Variants in BPTF observed in about 807,000 individuals in gnomAD.
The protein encoded by BPTF is nucleosome-remodeling factor subunit BPTF.
BPTF carries 18 observed loss-of-function variants against 292.5 expected under a neutral mutation model. The ratio of observed to expected loss-of-function variants is 0.06; its 90% CI spans 0.04 to 0.09. The LOEUF (loss-of-function observed/expected upper bound fraction) is 0.09. BPTF is among the 10% of genes least tolerant of loss of function. BPTF has a pLI of 1.00. For synonymous variants in BPTF, 1,225 were observed against 1,251.9 expected (o/e 0.98, Z 0.45); for missense variants, 2,726 against 3,498.7 (o/e 0.78, Z 5.57).
intron 27 of BPTF, among the ~76,000 whole-genome samples, chr17:67,976,715 A>AGG (rs2069513941): frequency 7.8e-6 from 1 of 127,976 alleles, no homozygotes; most frequent in Non-Finnish European, 1.6e-5. Flanking sequence ...AAAAAAAAAA[A>AGG]TAAGAATAAA....
At position 67,904,772 on chromosome 17, in the gene BPTF, A is replaced by G. The variant is rs1243881960; in HGVS notation, c.2744A>G (p.His915Arg). ...YGGWSWISKT[H>R]VYRFVPKLPG... ...GGTTGGAGCTGGATTAGTAAAACTC[A>G]TGTTTATAGGTTTGTTCCTAAATTG... The change falls in exon 9 of 28, where the codon CAT (histidine) becomes CGT (arginine). Residue 915 changes from histidine to arginine, a missense_variant. His to Arg is a conservative substitution (Grantham distance 29, BLOSUM62 0). Transcript: ENST00000306378. 1.9e-6 allele frequency: 3 copies of G among 1,613,016 alleles called. No individual in the cohort carries two copies. Among genetic ancestry groups the G allele is most frequent in the African/African-American group, 1.3e-5 (1 of 74,906 alleles).
chr17:67,944,572 C>G, intron 20 of BPTF, 200 bp downstream of exon 20: 1 of 598,270 alleles, frequency 1.7e-6, no homozygotes, highest in Non-Finnish European at 2.9e-6. Context: ...CCACCACCCT[C>G]TCCCTCCTAT....
chr17:67,877,803 TAAAC>T (rs1219603613), intron 4 of BPTF, among the ~76,000 whole-genome samples: 1 of 152,064 alleles, frequency 6.6e-6, no homozygotes, highest in Non-Finnish European at 1.5e-5. Context: ...ATTTATTTAG[TAAAC>T]AAGTAAGTAG....
chr17:67,833,167 A>G (rs1189785187), intron 1 of BPTF, among the ~76,000 whole-genome samples: 16 of 151,846 alleles, frequency 1.1e-4, no homozygotes, highest in Admixed American at 3.9e-4. Context: ...ATTTAGCCTA[A>G]TGTTTTCAAG....
chr17:67,844,608 C>G (rs1261207622), intron 1 of BPTF, among the ~76,000 whole-genome samples: 1 of 150,942 alleles, frequency 6.6e-6, no homozygotes, highest in Non-Finnish European at 1.5e-5. Context: ...ACCATGTTGC[C>G]CAGGCTGGGC....
intron 1 of BPTF, among the ~76,000 whole-genome samples, chr17:67,844,100 G>GAC (rs1400351514): frequency 8.1e-5 from 7 of 86,604 alleles, no homozygotes; most frequent in Non-Finnish European, 1.1e-4. Flanking sequence ...TTTTTTTTAA[G>GAC]ATGGAGTCTC....
chr17:67,874,879 G>A lies in BPTF; in HGVS notation c.1723G>A (p.Glu575Lys). Reference protein sequence around the residue: ...GDIDNVKSPEETEKDKNETEN... With the variant: ...GDIDNVKSPEKTEKDKNETEN... ...CATTGATAATGTTAAAAGCCCAGAAGAAACAGAAAAAGACAAGAATGAGAC... is the reference window on the plus strand; with the variant it reads ...CATTGATAATGTTAAAAGCCCAGAAAAAACAGAAAAAGACAAGAATGAGAC... Residue 575 changes from glutamate (E) to lysine (K), a missense_variant, in exon 4 of 28, where the codon GAA (glutamate) becomes AAA (lysine). Around this residue, in one of 22 missense-constraint regions of BPTF, gnomAD observed 187 missense variants for 201.5 expected, o/e 0.93. Coordinates refer to ENST00000306378, the MANE Select transcript of BPTF (RefSeq NM_182641.4). 6.2e-7 allele frequency: 1 copy of A among 1,613,662 alleles called. No individual in the cohort carries two copies. Among genetic ancestry groups the A allele is most frequent in the Non-Finnish European group, 8.5e-7 (1 of 1,179,836 alleles).
intron 1 of BPTF, among the ~76,000 whole-genome samples, chr17:67,848,945 A>G (rs573631916): frequency 7.9e-5 from 12 of 152,318 alleles, no homozygotes; most frequent in Non-Finnish European, 1.6e-4. Flanking sequence ...TTTTCTTCAG[A>G]ATTCATGCAG....
rs368192443 is a variant in BPTF at position 67,926,848 on chromosome 17, C to T, written c.5752-1507C>T. On this transcript the variant is annotated intron_variant, in intron 15 of 27. Coordinates refer to ENST00000306378, the MANE Select transcript of BPTF (RefSeq NM_182641.4). ...GAATTCCTGGCTTAAGGTGATCCTC[C>T]GGCCTCAGCCTCCTGAGTAGCTGGA... 2.6e-5 allele frequency among the ~76,000 whole-genome samples: 4 copies of T among 151,980 alleles called. No individual in the cohort carries two copies. In the East Asian group the frequency reaches 5.8e-4, roughly 22 times the overall value.
rs955533308 is a variant in BPTF at position 67,825,951 on chromosome 17, A to AGCC, written c.244_246dup (p.Pro82dup). 3.8e-4 allele frequency: 386 copies of AGCC among 1,005,704 alleles called. No individual in the cohort carries two copies. Among genetic ancestry groups the AGCC allele is most frequent in the African/African-American group, 1.4e-3 (80 of 56,662 alleles). The allele number at this position is 1,005,704 out of a possible 1,614,324, so 62.3% of individuals were successfully genotyped here. A position where few individuals can be genotyped will look rare whatever the true frequency, so the allele number is the denominator to read the frequency against. On this transcript the variant is annotated inframe_insertion, in exon 1 of 28. Coordinates refer to ENST00000306378, the MANE Select transcript of BPTF (RefSeq NM_182641.4). ...AGGGGGGGCAGCAGTAGCCGGAGGA[A>AGCC]GCCGCCGCCGCCGCCGCCGGCCCCC...
chr17:67,899,093 A>G lies in BPTF; in HGVS notation c.2544-4696A>G, dbSNP rs999999871. On this transcript the variant is annotated intron_variant, in intron 7 of 27. Transcript: ENST00000306378. ...CTGAACTCCACCAAAACTGTGGCCA[A>G]ACTTTTGTAAAATTACAGACCCACA... Among the ~76,000 whole-genome samples, 8 of 152,284 alleles carry G rather than the reference A, an allele frequency of 5.3e-5. 1 individual carries two copies. The highest frequency in any genetic ancestry group is 1.9e-4 in the African/African-American group (8 of 41,548).
At chr17:67,828,794 C>G (rs1477246906) in intron 1 of BPTF, among the ~76,000 whole-genome samples, 1 of 152,216 alleles carries the variant, frequency 6.6e-6, no homozygotes, top group Non-Finnish European at 1.5e-5. Flanking sequence ...TCCCAAAGTG[C>G]TGGGATTACA....
intron 4 of BPTF, among the ~76,000 whole-genome samples, chr17:67,879,975 A>G (rs758155622): frequency 8.5e-5 from 13 of 152,202 alleles, no homozygotes; most frequent in Admixed American, 2.6e-4. Context: ...ACAAACATCT[A>G]AACTATCCAA....
At chr17:67,954,341 C>CT (rs1446696008) in intron 23 of BPTF, among the ~76,000 whole-genome samples, 5 of 151,974 alleles carry the variant, frequency 3.3e-5, no homozygotes, top group Admixed American at 3.3e-4. Context: ...CCCTGGTTGT[C>CT]TTTTTTTCAT....
rs187007206 is a variant in BPTF, at chr17:67,842,966, G to A, written c.614-10974G>A. ...TCAGAGATAAAGAGCAACAGAAATG[G>A]TATCTGGGAAAATGTAAAAACACAA... On this transcript the variant is annotated intron_variant, in intron 1 of 27. Transcript: ENST00000306378. 3.8e-3 allele frequency among the ~76,000 whole-genome samples: 578 copies of A among 151,760 alleles called. 2 individuals are homozygous for A. Among genetic ancestry groups the A allele is most frequent in the Admixed American group, 5.8e-3 (89 of 15,232 alleles).
At chr17:67,922,276 A>G (rs565833194) in intron 13 of BPTF, among the ~76,000 whole-genome samples, 217 of 152,246 alleles carry the variant, frequency 1.4e-3, no homozygotes, top group African/African-American at 4.9e-3. Context: ...GGGAAGGTTC[A>G]ATGCTTGTCC....
Position 67,874,977 on chromosome 17 carries a change from C to T in BPTF, c.1821C>T (p.Asp607=), listed in dbSNP as rs758457228. The T allele has an allele frequency of 6.6e-5, 107 of 1,613,276 alleles. No homozygotes were observed. Among genetic ancestry groups the T allele is most frequent in the South Asian group, 1.5e-4 (14 of 90,986 alleles). ...FEDQSLEKDS[D]DKTPDDDPEQ... is the part of the protein sequence containing the mutation. The stretch of plus-strand genomic sequence containing the variant: ...ACCAGTCCCTTGAAAAAGACAGTGA[C>T]GACAAAACACCAGATGATGACCCTG... The change falls in exon 4 of 28, where the codon GAC becomes GAT. Residue 607 remains aspartate, a synonymous_variant. Transcript: ENST00000306378.
At chr17:67,871,762 C>T (rs2145649782) in intron 3 of BPTF, among the ~76,000 whole-genome samples, 1 of 152,238 alleles carries the variant, frequency 6.6e-6, no homozygotes, top group South Asian at 2.1e-4. Context: ...TTTCTTTCAT[C>T]CTTTAATGTT....
chr17:67,931,949 G>T lies in BPTF; in HGVS notation c.6189G>T (p.Val2063=). The change falls in exon 18 of 28, where the codon GTG becomes GTT. Residue 2063 remains valine, a synonymous_variant. Coordinates refer to ENST00000306378, the MANE Select transcript of BPTF (RefSeq NM_182641.4). ...CTCAGATTCGCCCTGGTATGACCGT[G>T]ATTAGAACACCACTCCAACAGTCAA... ...TGPQIRPGMT[V]IRTPLQQSTL... The T allele has an allele frequency of 1.9e-6, 3 of 1,614,032 alleles. No individual in the cohort carries two copies. Among genetic ancestry groups the T allele is most frequent in the Non-Finnish European group, 2.5e-6 (3 of 1,179,988 alleles).
Sources: allele counts gnomAD v4.1 joint callset (sites outside exome capture counted in the v4.1 genomes callset), GRCh38; gene constraint gnomAD v4.1.1; regional missense constraint gnomAD v4.1.1; transcripts MANE v1.5; gene names NCBI Gene and HGNC (gene_info 2026-07-23, HGNC 2026-07-21).